Variants in NEBL observed in about 807,000 individuals in gnomAD.
The protein encoded by NEBL is LIM and SH3 protein 2.
In NEBL, 122 loss-of-function variants were observed where a neutral mutation model predicts 140.2. The ratio of observed to expected loss-of-function variants is 0.87; its 90% CI spans 0.75 to 1.01. The LOEUF (loss-of-function observed/expected upper bound fraction) is 1.01, where lower values mean the gene tolerates loss of function less well. NEBL is among the 50% of genes least tolerant of loss of function. The pLI is 0.00. For missense variants in NEBL, 1,365 were observed against 1,231.3 expected (o/e 1.11, Z -1.62); for synonymous variants, 436 against 398.9 (o/e 1.09, Z -1.11).
At chr10:21,171,227 C>T (rs978092324) in intron 2 of NEBL, among the ~76,000 whole-genome samples, 8 of 151,316 alleles carry the variant, frequency 5.3e-5, no homozygotes, top group Non-Finnish European at 1.0e-4. Context: ...CCCAACTACT[C>T]GGGAGGCTGA....
At chr10:21,088,683 C>T (rs533033302) in intron 2 of NEBL, among the ~76,000 whole-genome samples, 2 of 152,298 alleles carry the variant, frequency 1.3e-5, no homozygotes, top group South Asian at 4.1e-4. Flanking sequence ...CAGATGCACA[C>T]ATTAGCAGCA....
chr10:20,840,127 A>G (rs1014982494), intron 13 of NEBL, among the ~76,000 whole-genome samples: 4 of 152,170 alleles, frequency 2.6e-5, no homozygotes, highest in Admixed American at 1.3e-4. Flanking sequence ...CATTATCATC[A>G]GAGTTTCAAA....
intron 11 of NEBL, 32 bp from the exon 12 acceptor site, chr10:20,845,400 A>G: frequency 7.9e-7 from 1 of 1,263,764 alleles, no homozygotes; most frequent in Non-Finnish European, 1.2e-6. Context: ...TTTTAAAGTT[A>G]GCAAATATCA....
chr10:21,198,790 G>A (rs1337369849), intron 3 of NEBL, among the ~76,000 whole-genome samples: 1 of 151,824 alleles, frequency 6.6e-6, no homozygotes, highest in East Asian at 1.9e-4. Context: ...CCTGCCCTAT[G>A]ACAGACCTTC....
intron 2 of NEBL, among the ~76,000 whole-genome samples, chr10:21,155,446 G>A (rs1370443724): frequency 6.6e-6 from 1 of 151,958 alleles, no homozygotes; most frequent in East Asian, 1.9e-4. Context: ...AACCTTCCCA[G>A]CTTCTGGTAA....
chr10:21,015,503 G>T, intron 3 of NEBL, among the ~76,000 whole-genome samples: 1 of 152,092 alleles, frequency 6.6e-6, no homozygotes, highest in South Asian at 2.1e-4. Context: ...TATTTTTTCT[G>T]TTTTTTGGGG....
rs115616743 is a variant in NEBL, at chr10:21,181,629, G to A, written n.349-9152C>T. Among the ~76,000 whole-genome samples, 974 of 152,266 alleles carry A rather than the reference G, an allele frequency of 6.4e-3. 11 individuals are homozygous for A. The highest frequency in any genetic ancestry group is 0.022 in the African/African-American group (926 of 41,558). ...TTAGCATAACATCTCTGACCTTTCC[G>A]GGTGAGCTTCTTGCGACACCACGTG... is the stretch of plus-strand genomic sequence containing the variant. On this transcript the variant is annotated intron_variant and non_coding_transcript_variant, in intron 3 of 8. Coordinates refer to the NEBL transcript ENST00000675702.
rs1589049497 is a variant in NEBL, at chr10:20,942,252, T to C, written c.357+19420A>G. On this transcript the variant is annotated intron_variant, in intron 4 of 6. Coordinates refer to the NEBL transcript ENST00000417816. ...GTACCAAAACAGTGATATAGACAAA[T>C]GGAACAGAACAGAGCCCTCAGAAAT... Among the ~76,000 whole-genome samples, 3 of 152,088 alleles carry C rather than the reference T, an allele frequency of 2.0e-5. 1 individual carries two copies. Among genetic ancestry groups the C allele is most frequent in the East Asian group, 3.9e-4 (2 of 5,168 alleles).
At chr10:20,835,411 C>A in intron 14 of NEBL, 102 bp downstream of exon 14, 9 of 900,770 alleles carry the variant, frequency 1.0e-5, no homozygotes, top group Non-Finnish European at 1.7e-5. Context: ...GTTAAACCAG[C>A]TGCAATGCTT....
chr10:21,017,846 TAG>T (rs1454821127), intron 3 of NEBL, among the ~76,000 whole-genome samples: 2 of 150,258 alleles, frequency 1.3e-5, no homozygotes, highest in Admixed American at 1.3e-4. Context: ...TTCCCCAAAA[TAG>T]AGTCTTGCTC....
intron 1 of NEBL, among the ~76,000 whole-genome samples, chr10:21,255,759 A>G (rs574732941): frequency 9.2e-5 from 14 of 152,178 alleles, no homozygotes; most frequent in African/African-American, 3.1e-4. Context: ...ACACTTTGGG[A>G]GGCCAAGGTG....
At chr10:21,086,101 G>A (rs1401398784) in intron 2 of NEBL, among the ~76,000 whole-genome samples, 1 of 152,046 alleles carries the variant, frequency 6.6e-6, no homozygotes, top group Non-Finnish European at 1.5e-5. Flanking sequence ...TACTAATGTA[G>A]AAAACAAGCA....
chr10:20,904,213 C>T (rs1325898164), intron 4 of NEBL, among the ~76,000 whole-genome samples: 1 of 152,146 alleles, frequency 6.6e-6, no homozygotes, highest in African/African-American at 2.4e-5. Flanking sequence ...ATTACTGTAG[C>T]TGTGTTCTTG....
chr10:20,826,594 G>A, intron 17 of NEBL, 55 bp from the exon 18 acceptor site: 1 of 1,328,238 alleles, frequency 7.5e-7, no homozygotes. Flanking sequence ...TCAAGTCCTA[G>A]ATCCGCTTCT....
rs1455597447 is a variant in NEBL at position 21,068,684 on chromosome 10, G to A, written c.165-48483C>T. Among the ~76,000 whole-genome samples, 3 of 152,186 alleles carry A rather than the reference G, an allele frequency of 2.0e-5. No homozygotes were observed. The South Asian group carries it at 6.2e-4, about 32-fold the overall frequency. The stretch of plus-strand genomic sequence containing the variant: ...CAGTACACCCTCTTTTCTGCTCTAG[G>A]TAGTTGGTGTTGAGTTTCTGTCACC... On this transcript the variant is annotated intron_variant, in intron 2 of 6. Transcript: ENST00000417816.
At chr10:20,968,569 G>C (rs975583863) in intron 3 of NEBL, among the ~76,000 whole-genome samples, 1 of 152,080 alleles carries the variant, frequency 6.6e-6, no homozygotes, top group African/African-American at 2.4e-5. Flanking sequence ...AAGTTCAAGG[G>C]GATGCGTCGC....
chr10:20,789,909 G>GTA (rs201892761), intron 26 of NEBL, among the ~76,000 whole-genome samples: 103 of 148,240 alleles, frequency 6.9e-4, no homozygotes, highest in South Asian at 3.2e-3. Flanking sequence ...ATAGATATAT[G>GTA]TATATATATA....
At chr10:21,005,635 C>T (rs1051102114) in intron 3 of NEBL, among the ~76,000 whole-genome samples, 1 of 152,058 alleles carries the variant, frequency 6.6e-6, no homozygotes, top group African/African-American at 2.4e-5. Context: ...TCGGGAGGCT[C>T]AGGTGGGAGG....
chr10:21,029,578 A>G (rs1833692013), intron 2 of NEBL: 4 of 1,593,994 alleles, frequency 2.5e-6, no homozygotes, highest in Non-Finnish European at 3.4e-6. Flanking sequence ...GGATTCTGAC[A>G]AAACAGATAC....
Sources: gnomAD v4.1 joint callset for allele counts (sites outside exome capture counted in the v4.1 genomes callset) on GRCh38, gnomAD v4.1.1 for gene constraint, MANE v1.5 for transcripts, NCBI Gene and HGNC (gene_info 2026-07-23, HGNC 2026-07-21) for gene names.